Variants in CEBPZOS observed in about 807,000 individuals in gnomAD.
The protein encoded by CEBPZOS is CEBPZ opposite strand.
CEBPZOS carries 10 observed loss-of-function variants against 4.8 expected under a neutral mutation model. The observed-to-expected ratio is 2.07, with a 90% confidence interval of 1.28 to 3.52. The LOEUF (loss-of-function observed/expected upper bound fraction) is 3.52, where lower values mean the gene tolerates loss of function less well. CEBPZOS is among the 30% of genes most tolerant of loss of function. CEBPZOS has a pLI of 0.00. For synonymous variants in CEBPZOS, 25 were observed against 14.2 expected (o/e 1.77, Z -1.72); for missense variants, 98 against 43.6 (o/e 2.25, Z -3.51).
chr2:37,210,954 T>C, intron 4 of CEBPZOS: 2 of 1,395,600 alleles, frequency 1.4e-6, no homozygotes. Context: ...ATGACACCTT[T>C]CACATGGACA....
chr2:37,215,022 C>G, downstream of CEBPZOS: 1 of 938,488 alleles, frequency 1.1e-6, no homozygotes, highest in Non-Finnish European at 1.7e-6. Flanking sequence ...GCTCTTAAGA[C>G]AAAATACAGC....
At chr2:37,199,559 C>T (rs1677109598) in intron 1 of CEBPZOS, 145 bp from the exon 2 acceptor site, 1 of 482,620 alleles carries the variant, frequency 2.1e-6, no homozygotes, top group Non-Finnish European at 3.8e-6. Flanking sequence ...GATGTCTAAA[C>T]CAAAAAAGTA....
At position 37,203,071 on chromosome 2, in the gene CEBPZOS, T is replaced by G. The variant is rs1246913690; in HGVS notation, c.*1211T>G. 1 of 1,102,476 alleles carries G rather than the reference T, an allele frequency of 9.1e-7. No homozygotes were observed. The highest frequency in any genetic ancestry group is 1.3e-6 in the Non-Finnish European group (1 of 774,390). The allele number at this position is 1,102,476 out of a possible 1,614,324, so 68.3% of individuals were successfully genotyped here. On this transcript the variant is annotated 3_prime_UTR_variant, in exon 5 of 5. Transcript: ENST00000402297. ...ATCTAATGATTTTAGAAAAATGCAATGCAACATGATTTTATTTTAAAAATT... is the reference window on the plus strand; with the variant it reads ...ATCTAATGATTTTAGAAAAATGCAAGGCAACATGATTTTATTTTAAAAATT...
intron 1 of CEBPZOS, among the ~76,000 whole-genome samples, chr2:37,198,165 A>G (rs1188561705): frequency 6.6e-6 from 1 of 151,252 alleles, no homozygotes; most frequent in East Asian, 1.9e-4. Context: ...GTCTCCAAAA[A>G]TAAAATAAAA....
rs944293889 is a variant in CEBPZOS at position 37,201,489 on chromosome 2, G to A, written c.161-153G>A. 11 of 586,812 alleles carry A rather than the reference G, an allele frequency of 1.9e-5. 1 individual carries two copies. Among genetic ancestry groups the A allele is most frequent in the African/African-American group, 1.5e-4 (8 of 53,326 alleles). The allele number at this position is 586,812 out of a possible 1,614,324, so 36.4% of individuals were successfully genotyped here. A position where few individuals can be genotyped will look rare whatever the true frequency, so the allele number is the denominator to read the frequency against. The stretch of plus-strand genomic sequence containing the variant: ...AGTGCTCATTACAATGATCAGAGAT[G>A]CCAGGACTTATATGTGAAGTCTGTA... On this transcript the variant is annotated intron_variant, in intron 3 of 4. Coordinates refer to ENST00000402297, the MANE Select transcript of CEBPZOS (RefSeq NM_001322374.2).
In CEBPZOS at chr2:37,202,024, CT is replaced by C. The variant is rs746196694; in HGVS notation, c.*165del. The C allele has an allele frequency of 9.7e-6, 7 of 723,482 alleles. No individual in the cohort carries two copies. The highest frequency in any genetic ancestry group is 1.6e-5 in the Non-Finnish European group (7 of 451,384). 44.8% of individuals were successfully genotyped at this position (723,482 alleles called of 1,614,324 possible). ...GCCTTGGCCTGTGGTTTCCCACCCA[CT>C]ATACAAACCCACTGCTTGTTTGTTG... On this transcript the variant is annotated 3_prime_UTR_variant, in exon 5 of 5. Coordinates refer to ENST00000402297, the MANE Select transcript of CEBPZOS (RefSeq NM_001322374.2).
chr2:37,199,619 G>A (rs771190779), intron 1 of CEBPZOS, 85 bp from the exon 2 acceptor site: 41 of 662,928 alleles, frequency 6.2e-5, no homozygotes, highest in Non-Finnish European at 1.1e-4. Flanking sequence ...TCAAACTGTG[G>A]GAATGAATTT....
chr2:37,200,577 G>A (rs1054984552), intron 2 of CEBPZOS, among the ~76,000 whole-genome samples: 1 of 152,100 alleles, frequency 6.6e-6, no homozygotes, highest in East Asian at 1.9e-4. Flanking sequence ...GCTTGCACTT[G>A]TAATTCCAGC....
chr2:37,210,775 T>C (rs138393600), intron 4 of CEBPZOS: 3 of 447,184 alleles, frequency 6.7e-6, no homozygotes, highest in East Asian at 7.7e-5. Flanking sequence ...GAAATAATGA[T>C]AACAAATTTT....
In CEBPZOS at chr2:37,201,919, A is replaced by G. The variant is rs780310909; in HGVS notation, c.*59A>G. 2.5e-6 allele frequency: 4 copies of G among 1,610,758 alleles called. No homozygotes were observed. Among genetic ancestry groups the G allele is most frequent in the Non-Finnish European group, 3.4e-6 (4 of 1,178,904 alleles). ...TGTTTGAGACCTTTGAGAGAAGAAG[A>G]AAAGATGAGTGTACTACCACACTGT... On this transcript the variant is annotated 3_prime_UTR_variant, in exon 5 of 5. Coordinates refer to ENST00000402297, the MANE Select transcript of CEBPZOS (RefSeq NM_001322374.2).
At chr2:37,204,960 A>T (rs900443319), downstream of CEBPZOS, among the ~76,000 whole-genome samples, 1 of 152,188 alleles carries the variant, frequency 6.6e-6, no homozygotes, top group African/African-American at 2.4e-5. Flanking sequence ...GGCTCAGTAG[A>T]ACTTGAAGTA....
chr2:37,205,856 TAAAAATGTTAAAA>T (rs1476019237), downstream of CEBPZOS, among the ~76,000 whole-genome samples: 1 of 152,122 alleles, frequency 6.6e-6, no homozygotes, highest in Admixed American at 6.6e-5. Flanking sequence ...ATAATACTTT[TAAAAATGTTAAAA>T]AACAATTAGC....
chr2:37,205,974 C>G (rs1324555208), downstream of CEBPZOS, among the ~76,000 whole-genome samples: 2 of 152,140 alleles, frequency 1.3e-5, no homozygotes, highest in African/African-American at 4.8e-5. Flanking sequence ...TAACAGGTGT[C>G]TGAAAAATGC....
Position 37,199,736 on chromosome 2 carries a change from A to C in CEBPZOS, c.32A>C (p.Lys11Thr), listed in dbSNP as rs998519113. 1.4e-6 allele frequency: 1 copy of C among 717,532 alleles called. No homozygotes were observed. Among genetic ancestry groups the C allele is most frequent in the Non-Finnish European group, 2.6e-6 (1 of 385,084 alleles). The allele number at this position is 717,532 out of a possible 1,614,324, so 44.4% of individuals were successfully genotyped here. A position where few individuals can be genotyped will look rare whatever the true frequency, so the allele number is the denominator to read the frequency against. ...CGTACTTTGGAACCACTAGCAAAGA[A>C]GATCTTTAAAGGAGTTTTGGTAGCC... Reference protein sequence around the residue: MARTLEPLAKKIFKGVLVAEL... With the variant: MARTLEPLAKTIFKGVLVAEL... Residue 11 changes from lysine (K) to threonine (T), a missense_variant, in exon 2 of 5, where the codon AAG becomes ACG. Physicochemically the swap from Lys to Thr is moderately conservative, Grantham distance 78 (BLOSUM62 -1). Coordinates refer to ENST00000402297, the MANE Select transcript of CEBPZOS (RefSeq NM_001322374.2).
intron 4 of CEBPZOS, chr2:37,211,751 G>T (rs1216855360): frequency 3.4e-6 from 3 of 886,790 alleles, no homozygotes; most frequent in Non-Finnish European, 1.7e-6. Context: ...TTTGAATACA[G>T]GGCTATATTA....
downstream of CEBPZOS, among the ~76,000 whole-genome samples, chr2:37,208,344 A>G (rs1677607896): frequency 6.6e-6 from 1 of 152,128 alleles, no homozygotes; most frequent in Non-Finnish European, 1.5e-5. Context: ...GACATAACAA[A>G]AGAAAACTAG....
intron 1 of CEBPZOS, among the ~76,000 whole-genome samples, chr2:37,197,540 G>A (rs777237178): frequency 6.6e-6 from 1 of 152,126 alleles, no homozygotes; most frequent in Admixed American, 6.5e-5. Flanking sequence ...AATGGAACTG[G>A]CTGCAGGCGG....
chr2:37,198,847 A>G (rs1336008729), intron 1 of CEBPZOS, among the ~76,000 whole-genome samples: 1 of 152,150 alleles, frequency 6.6e-6, no homozygotes, highest in Non-Finnish European at 1.5e-5. Flanking sequence ...CCCCATTTGT[A>G]TAAAAATTAC....
intron 4 of CEBPZOS, chr2:37,210,883 A>AG: frequency 2.3e-6 from 1 of 438,194 alleles, no homozygotes. Flanking sequence ...CTTAAAAAGA[A>AG]CCCCCCCCAC....
Sources: allele counts gnomAD v4.1 joint callset (sites outside exome capture counted in the v4.1 genomes callset), GRCh38; gene constraint gnomAD v4.1.1; transcripts MANE v1.5; gene names NCBI Gene and HGNC (gene_info 2026-07-23, HGNC 2026-07-21).